TENM3: variants seen among roughly 807,000 people sequenced by gnomAD.
TENM3 encodes the protein teneurin-3.
A neutral mutation model predicts 255.1 loss-of-function variants in TENM3; 63 were observed. The observed-to-expected ratio is 0.25, with a 90% CI of 0.20 to 0.30. The LOEUF is 0.30. TENM3 is among the 10% of genes least tolerant of loss of function. The probability of loss-of-function intolerance (pLI) is 1.00; values close to 1 mark genes in which losing one functional copy is unlikely to be tolerated. For missense variants in TENM3, 2,929 were observed against 3,461.1 expected, an observed-to-expected ratio of 0.85 and a Z score of 3.86; for synonymous variants, 1,306 against 1,322.3, an observed-to-expected ratio of 0.99 and a Z score of 0.27.
chr4:182,306,657 A>T (rs1173550075), intron 1 of TENM3, among the ~76,000 whole-genome samples: 1 of 152,166 alleles, frequency 6.6e-6, no homozygotes, highest in Non-Finnish European at 1.5e-5. Context: ...AACCTGTAGT[A>T]TCTGAGGACT....
At chr4:182,309,016 G>A (rs1049369106) in intron 1 of TENM3, among the ~76,000 whole-genome samples, 2 of 152,130 alleles carry the variant, frequency 1.3e-5, no homozygotes, top group African/African-American at 4.8e-5. Context: ...GTCCAGAACC[G>A]ACCTAGCCCC....
chr4:182,747,840 C>G (rs1762115043), intron 19 of TENM3, among the ~76,000 whole-genome samples: 1 of 152,132 alleles, frequency 6.6e-6, no homozygotes, highest in Admixed American at 6.5e-5. Context: ...ATATCACACC[C>G]CAAGTCCCTG....
chr4:182,012,769 GATCA>G, the TENM3 span: 1 of 152,180 alleles, frequency 6.6e-6, no homozygotes, highest in East Asian at 1.9e-4. Context: ...TTGTCACAAG[GATCA>G]TGAAATTTGG....
chr4:182,021,715 C>T, the TENM3 span, among the ~76,000 whole-genome samples: 3 of 126,448 alleles, frequency 2.4e-5, no homozygotes, highest in Non-Finnish European at 5.2e-5. Flanking sequence ...ATTGGTGGTG[C>T]CCAATATTTG....
intron 3 of TENM3, among the ~76,000 whole-genome samples, chr4:182,503,450 C>G (rs1736514551): frequency 6.6e-6 from 1 of 152,152 alleles, no homozygotes; most frequent in Admixed American, 6.5e-5. Context: ...AGACATACTT[C>G]TGCTGCAGGG....
At chr4:181,677,836 T>G in the TENM3 span, among the ~76,000 whole-genome samples, 4 of 152,146 alleles carry the variant, frequency 2.6e-5, no homozygotes, top group South Asian at 8.3e-4. Flanking sequence ...TCATTAGCCT[T>G]ATTTCAGTTC....
chr4:182,066,187 C>T, the TENM3 span, among the ~76,000 whole-genome samples: 3 of 152,192 alleles, frequency 2.0e-5, no homozygotes, highest in Admixed American at 1.3e-4. Flanking sequence ...CCAACCATCC[C>T]ACTGAGTATA....
At chr4:182,592,584 G>A (rs1581040390) in intron 3 of TENM3, among the ~76,000 whole-genome samples, 1 of 152,166 alleles carries the variant, frequency 6.6e-6, no homozygotes, top group South Asian at 2.1e-4. Flanking sequence ...AATTCACTGG[G>A]CGTGTTGGCG....
At chr4:181,898,832 A>G in the TENM3 span, among the ~76,000 whole-genome samples, 4 of 151,950 alleles carry the variant, frequency 2.6e-5, no homozygotes, top group African/African-American at 9.7e-5. Context: ...TTCATTCACT[A>G]TTTTTCAAAG....
the TENM3 span, among the ~76,000 whole-genome samples, chr4:181,798,090 AGTGTGTGT>A: frequency 0.01 from 1,548 of 149,898 alleles, 10 homozygotes; most frequent in South Asian, 0.046. Flanking sequence ...TTTCAAAATA[AGTGTGTGT>A]GTGTGTGTGT....
upstream of TENM3, among the ~76,000 whole-genome samples, chr4:182,140,528 C>A (rs1749322450): frequency 6.6e-6 from 1 of 152,062 alleles, no homozygotes; most frequent in Non-Finnish European, 1.5e-5. Context: ...CTCATGCCTC[C>A]GTTTGCTAAA....
At chr4:182,183,960 A>G (rs986380226) in intron 1 of TENM3, among the ~76,000 whole-genome samples, 1 of 152,184 alleles carries the variant, frequency 6.6e-6, no homozygotes, top group African/African-American at 2.4e-5. Context: ...ACATTTATAT[A>G]AAAAAACCAA....
the TENM3 span, among the ~76,000 whole-genome samples, chr4:181,640,702 A>C: frequency 6.6e-6 from 1 of 152,158 alleles, no homozygotes; most frequent in East Asian, 1.9e-4. Context: ...TGGTCATCTC[A>C]TTCTTGATTG....
the TENM3 span, among the ~76,000 whole-genome samples, chr4:181,709,751 C>T: frequency 1.3e-5 from 2 of 152,234 alleles, no homozygotes; most frequent in African/African-American, 2.4e-5. Context: ...AGTTGGGAGT[C>T]GAGACATTAG....
the TENM3 span, among the ~76,000 whole-genome samples, chr4:182,081,451 G>A: frequency 6.6e-6 from 1 of 151,876 alleles, no homozygotes; most frequent in Non-Finnish European, 1.5e-5. Context: ...GGGCGTGGTG[G>A]CACGTGCCTG....
the TENM3 span, among the ~76,000 whole-genome samples, chr4:181,598,878 G>A: frequency 6.6e-6 from 1 of 151,986 alleles, no homozygotes; most frequent in South Asian, 2.1e-4. Flanking sequence ...AAACACGCAG[G>A]TTTTTCAAAT....
At chr4:182,168,340 GCC>G (rs1751861882) in intron 1 of TENM3, among the ~76,000 whole-genome samples, 1 of 152,064 alleles carries the variant, frequency 6.6e-6, no homozygotes, top group African/African-American at 2.4e-5. Flanking sequence ...TCACTATGTT[GCC>G]CAGGCTGATC....
At chr4:181,780,441 G>A in the TENM3 span, among the ~76,000 whole-genome samples, 1 of 152,178 alleles carries the variant, frequency 6.6e-6, no homozygotes, top group African/African-American at 2.4e-5. Context: ...TCTTCTTTTA[G>A]AAGTGTCTGT....
chr4:181,605,584 G>GAAAGAAAGAAAA, the TENM3 span, among the ~76,000 whole-genome samples: 44 of 69,172 alleles, frequency 6.4e-4, 8 homozygotes, highest in South Asian at 1.3e-3. Flanking sequence ...GAGAAAGAAA[G>GAAAGAAAGAAAA]GAAAGAAAGA....
Sources: gnomAD v4.1 joint callset for allele counts (sites outside exome capture counted in the v4.1 genomes callset) on GRCh38, gnomAD v4.1.1 for gene constraint, MANE v1.5 for transcripts, NCBI Gene and HGNC (gene_info 2026-07-23, HGNC 2026-07-21) for gene names.